TRIO: variants seen among roughly 807,000 people sequenced by gnomAD.
TRIO encodes triple functional domain protein.
Under a neutral mutation model 351.9 loss-of-function variants are expected in TRIO, and 58 were observed. The ratio of observed to expected loss-of-function variants is 0.16; its 90% confidence interval spans 0.13 to 0.21. The LOEUF (loss-of-function observed/expected upper bound fraction) is 0.21, where lower values mean the gene tolerates loss of function less well. TRIO is among the 10% of genes least tolerant of loss of function. The probability of loss-of-function intolerance (pLI) is 1.00; values close to 1 mark genes in which losing one functional copy is unlikely to be tolerated. For missense variants in TRIO, 3,201 were observed against 4,027.8 expected, an observed-to-expected ratio of 0.79 and a Z score of 5.56; for synonymous variants, 1,758 against 1,595.7, an observed-to-expected ratio of 1.10 and a Z score of -2.42.
chr5:14,225,666 AC>A (rs1792946014), intron 1 of TRIO, among the ~76,000 whole-genome samples: 1 of 152,020 alleles, frequency 6.6e-6, no homozygotes, highest in African/African-American at 2.4e-5. Context: ...CTGACACTGC[AC>A]CTGCTTTTAA....
At chr5:14,198,925 T>C (rs1187083864) in intron 1 of TRIO, among the ~76,000 whole-genome samples, 1 of 152,082 alleles carries the variant, frequency 6.6e-6, no homozygotes, top group Non-Finnish European at 1.5e-5. Flanking sequence ...TTAAAAACAA[T>C]GGAAAAATCT....
chr5:14,358,040 C>T (rs1369087273), intron 11 of TRIO, 138 bp from the exon 12 acceptor site: 6 of 1,036,504 alleles, frequency 5.8e-6, no homozygotes, highest in South Asian at 1.8e-5. Context: ...TCCTTCCTTC[C>T]CTCCGGGAGT....
intron 1 of TRIO, among the ~76,000 whole-genome samples, chr5:14,256,480 A>T (rs245577): frequency 2.0e-5 from 3 of 152,032 alleles, no homozygotes; most frequent in African/African-American, 4.8e-5. Flanking sequence ...AGGGAGGGGC[A>T]TGGGGAAGGC....
chr5:14,182,224 AC>A lies in TRIO; in HGVS notation c.157+38346del, dbSNP rs555887182. ...CAGGCTCCTCTGGGAAGTGGGAAGG[AC>A]CCCGGCTCTGCTGTGAGGCTCAGGG... is the stretch of plus-strand genomic sequence containing the variant. On this transcript the variant is annotated intron_variant, in intron 1 of 56. Transcript: ENST00000344204. Among the ~76,000 whole-genome samples the A allele has an allele frequency of 3.2e-3, 481 of 152,134 alleles. 3 individuals are homozygous for A. Among genetic ancestry groups the A allele is most frequent in the African/African-American group, 0.011 (449 of 41,510 alleles).
intron 1 of TRIO, among the ~76,000 whole-genome samples, chr5:14,219,422 TCTG>T (rs1430713995): frequency 1.3e-5 from 2 of 152,184 alleles, no homozygotes; most frequent in Admixed American, 6.5e-5. Flanking sequence ...TGAAAAAAGA[TCTG>T]CTGCTTTCTA....
At chr5:14,494,600 T>A (rs1756738214) in intron 49 of TRIO, among the ~76,000 whole-genome samples, 1 of 152,198 alleles carries the variant, frequency 6.6e-6, no homozygotes, top group Admixed American at 6.5e-5. Context: ...CAAGTCTTAT[T>A]TAAGAAATAC....
At chr5:14,307,925 G>A (rs551732016) in intron 8 of TRIO, among the ~76,000 whole-genome samples, 18 of 152,218 alleles carry the variant, frequency 1.2e-4, no homozygotes, top group African/African-American at 4.1e-4. Flanking sequence ...TATATCAGTC[G>A]GTTATAATTT....
chr5:14,392,550 C>G (rs184792831), intron 27 of TRIO, among the ~76,000 whole-genome samples: 7 of 152,266 alleles, frequency 4.6e-5, no homozygotes, highest in Admixed American at 3.9e-4. Flanking sequence ...ACCAGAAATG[C>G]CATTTAACCC....
intron 13 of TRIO, among the ~76,000 whole-genome samples, chr5:14,360,027 A>C (rs1744002810): frequency 1.3e-5 from 2 of 149,720 alleles, no homozygotes; most frequent in South Asian, 2.1e-4. Context: ...TCTCTCTCCT[A>C]CCTTTTCTCT....
At chr5:14,481,426 C>A in intron 44 of TRIO, 115 bp from the exon 45 acceptor site, 1 of 1,474,414 alleles carries the variant, frequency 6.8e-7, no homozygotes, top group Non-Finnish European at 9.4e-7. Flanking sequence ...CTCCATAAGC[C>A]CTGCACACTA....
chr5:14,279,267 T>A (rs575664556), intron 2 of TRIO, among the ~76,000 whole-genome samples: 1 of 152,378 alleles, frequency 6.6e-6, no homozygotes, highest in South Asian at 2.1e-4. Context: ...TATGAAGTTA[T>A]GAAAACCATA....
intron 1 of TRIO, among the ~76,000 whole-genome samples, chr5:14,255,549 G>A (rs897015897): frequency 2.0e-5 from 3 of 152,108 alleles, no homozygotes; most frequent in African/African-American, 2.4e-5. Context: ...CAGTTCCAGC[G>A]TCCCTCCTCT....
At chr5:14,304,642 A>C (rs749416980) in intron 8 of TRIO, 50 bp downstream of exon 8, 4 of 1,569,898 alleles carry the variant, frequency 2.5e-6, no homozygotes, top group Non-Finnish European at 3.4e-6. Context: ...TTTTTGCATC[A>C]TAGTACACCG....
At chr5:14,229,000 AAAAT>A (rs1384995143) in intron 1 of TRIO, among the ~76,000 whole-genome samples, 2 of 152,246 alleles carry the variant, frequency 1.3e-5, no homozygotes, top group Admixed American at 6.5e-5. Context: ...GAAAGAGACT[AAAAT>A]TTAGGAGTAT....
At chr5:14,321,338 G>T (rs575023739) in intron 9 of TRIO, among the ~76,000 whole-genome samples, 1 of 152,384 alleles carries the variant, frequency 6.6e-6, no homozygotes, top group South Asian at 2.1e-4. Flanking sequence ...GTAACATGGG[G>T]TCAGGCACAG....
At chr5:14,316,871 T>C (rs889925846) in intron 9 of TRIO, 128 bp downstream of exon 9, 4 of 1,120,470 alleles carry the variant, frequency 3.6e-6, no homozygotes, top group Non-Finnish European at 5.0e-6. Flanking sequence ...GGAGCTTTTT[T>C]GTTGAATGTA....
chr5:14,308,245 C>T (rs1396232358), intron 8 of TRIO, among the ~76,000 whole-genome samples: 1 of 152,062 alleles, frequency 6.6e-6, no homozygotes, highest in African/African-American at 2.4e-5. Flanking sequence ...ATCCGTCTAT[C>T]TCTGCATCCA....
At chr5:14,498,363 C>T (rs1353890346) in intron 52 of TRIO, 112 bp downstream of exon 52, 28 of 1,517,322 alleles carry the variant, frequency 1.8e-5, no homozygotes, top group African/African-American at 6.9e-5. Flanking sequence ...CTTCGGCACT[C>T]CACTTCTTCC....
intron 1 of TRIO, among the ~76,000 whole-genome samples, chr5:14,156,857 G>A (rs1788129186): frequency 6.6e-6 from 1 of 152,196 alleles, no homozygotes; most frequent in Non-Finnish European, 1.5e-5. Context: ...TAAGAAAAGA[G>A]CTGCCAGACT....
Sources: allele counts gnomAD v4.1 joint callset (sites outside exome capture counted in the v4.1 genomes callset), GRCh38; gene constraint gnomAD v4.1.1; transcripts MANE v1.5; gene names NCBI Gene and HGNC (gene_info 2026-07-23, HGNC 2026-07-21).